The following MAP3K19 variants were observed in gnomAD, a reference collection of about 807,000 sequenced individuals.
The protein encoded by MAP3K19 is SPS1/STE20-related protein kinase YSK4.
Under a neutral mutation model 114.4 loss-of-function variants are expected in MAP3K19, and 91 were observed. The observed-to-expected ratio is 0.80, with a 90% CI of 0.67 to 0.95. The LOEUF (loss-of-function observed/expected upper bound fraction) is 0.95, where lower values mean the gene tolerates loss of function less well. Among genes scored for constraint, MAP3K19 ranks in the 40% least tolerant of loss-of-function variants. MAP3K19 has a pLI of 0.00. For missense variants in MAP3K19, 1,471 were observed against 1,573.2 expected, an observed-to-expected ratio of 0.94 and a Z score of 1.10; for synonymous variants, 518 against 530.5, an observed-to-expected ratio of 0.98 and a Z score of 0.32.
At chr2:135,022,749 C>T (rs968554824) in intron 4 of MAP3K19, among the ~76,000 whole-genome samples, 2 of 152,140 alleles carry the variant, frequency 1.3e-5, no homozygotes, top group Admixed American at 6.6e-5. Flanking sequence ...AAATTAATAG[C>T]GATCAACAGT....
Position 134,998,998 on chromosome 2 carries a change from C to T in MAP3K19, c.315-1G>A, listed in dbSNP as rs867471264. 6.2e-7 allele frequency: 1 copy of T among 1,607,066 alleles called. No individual in the cohort carries two copies. The highest frequency in any genetic ancestry group is 8.5e-7 in the Non-Finnish European group (1 of 1,177,610). On this transcript the variant is annotated splice_acceptor_variant, in intron 7 of 12. Coordinates refer to ENST00000392915, the MANE Select transcript of MAP3K19 (RefSeq NM_025052.5). LOFTEE classifies it high-confidence loss of function. ...TTCTTGAAGCGATGAGTTTATCAGA[C>T]TAAAGGGGGAGGGAAATGTTTGATT...
chr2:134,969,016 T>C (rs1015415918), intron 12 of MAP3K19, among the ~76,000 whole-genome samples: 2 of 152,054 alleles, frequency 1.3e-5, no homozygotes, highest in African/African-American at 4.8e-5. Context: ...AGGTGGAGGT[T>C]GTAGCGAACC....
chr2:135,001,938 T>C (rs924284449), intron 6 of MAP3K19, among the ~76,000 whole-genome samples: 1 of 152,226 alleles, frequency 6.6e-6, no homozygotes, highest in African/African-American at 2.4e-5. Flanking sequence ...CCGTCCTAAT[T>C]GTTGGTCCTA....
intron 4 of MAP3K19, chr2:135,023,527 C>T: frequency 1.9e-6 from 1 of 533,466 alleles, no homozygotes; most frequent in Non-Finnish European, 3.8e-6. Context: ...AATGTGCTCC[C>T]ATTTTGTTGG....
chr2:135,038,505 A>C (rs1474847540), intron 2 of MAP3K19, among the ~76,000 whole-genome samples: 1 of 151,974 alleles, frequency 6.6e-6, no homozygotes, highest in African/African-American at 2.4e-5. Flanking sequence ...TTGAAACATG[A>C]AGTGTAGCTA....
chr2:135,036,040 G>C (rs1688518912), intron 2 of MAP3K19, among the ~76,000 whole-genome samples: 1 of 151,988 alleles, frequency 6.6e-6, no homozygotes, highest in South Asian at 2.1e-4. Flanking sequence ...CTCCATGTTG[G>C]TCAGGCTGGT....
intron 11 of MAP3K19, chr2:134,983,276 TC>T: frequency 1.9e-6 from 1 of 537,690 alleles, no homozygotes; most frequent in Non-Finnish European, 3.8e-6. Flanking sequence ...TCTCCAAACT[TC>T]CAGTAACATA....
At chr2:135,008,612 G>A (rs1574008606) in intron 5 of MAP3K19, among the ~76,000 whole-genome samples, 1 of 152,144 alleles carries the variant, frequency 6.6e-6, no homozygotes, top group East Asian at 1.9e-4. Flanking sequence ...TGAAAAAGTT[G>A]TTTTTTTGTA....
At chr2:135,032,847 TAACAA>T (rs1380453290) in intron 2 of MAP3K19, among the ~76,000 whole-genome samples, 1 of 149,888 alleles carries the variant, frequency 6.7e-6, no homozygotes, top group African/African-American at 2.4e-5. Context: ...AGCATCTGTT[TAACAA>T]AGCACATCTT....
chr2:135,003,921 T>G (rs2105308531), intron 6 of MAP3K19, among the ~76,000 whole-genome samples: 1 of 152,350 alleles, frequency 6.6e-6, no homozygotes, highest in South Asian at 2.1e-4. Context: ...AACACTTTTA[T>G]TTCAGAATTT....
chr2:135,029,690 C>G (rs541744289), intron 3 of MAP3K19, among the ~76,000 whole-genome samples: 17 of 152,318 alleles, frequency 1.1e-4, no homozygotes, highest in African/African-American at 4.1e-4. Context: ...GTCACATGGT[C>G]TGACAGTCTC....
chr2:134,981,191 G>A lies in MAP3K19; in HGVS notation c.3550C>T (p.His1184Tyr). 1 of 1,614,064 alleles carries A rather than the reference G, an allele frequency of 6.2e-7. No homozygotes were observed. The change falls in exon 12 of 13, where the codon CAT becomes TAT. Residue 1184 changes from histidine (H) to tyrosine (Y), a missense_variant. Physicochemically the swap from His to Tyr is moderately conservative, Grantham distance 83 (BLOSUM62 2). Transcript: ENST00000392915. The stretch of plus-strand genomic sequence containing the variant: ...ACATTATTTCCTTTGATATCGCGAT[G>A]TACCACACAGTTCTCATGGAGATAA... The part of the protein sequence containing the change: ...VAYLHENCVV[H>Y]RDIKGNNVML...
intron 9 of MAP3K19, among the ~76,000 whole-genome samples, chr2:134,990,472 TG>T (rs1276618892): frequency 1.2e-4 from 18 of 147,848 alleles, no homozygotes; most frequent in Middle Eastern, 3.6e-3. Context: ...TTTTTTTTTT[TG>T]TTTGTTTGTT....
chr2:134,986,283 ATTC>A lies in MAP3K19; in HGVS notation c.2586_2588del (p.Lys862del), dbSNP rs1685096959. 6.2e-7 allele frequency: 1 copy of A among 1,614,058 alleles called. No homozygotes were observed. Among genetic ancestry groups the A allele is most frequent in the Non-Finnish European group, 8.5e-7 (1 of 1,180,004 alleles). ...TTTCTTGCTGTACATACTTGTTAGA[ATTC>A]TTCTCACTGGGCACTGCCCAGCTGT... On this transcript the variant is annotated inframe_deletion, in exon 10 of 13. Transcript: ENST00000392915.
chr2:135,043,074 C>A (rs1688677896), intron 1 of MAP3K19, among the ~76,000 whole-genome samples: 1 of 152,086 alleles, frequency 6.6e-6, no homozygotes, highest in Admixed American at 6.5e-5. Context: ...CAGAGCGAGA[C>A]TCCATCTCAA....
chr2:134,980,741 G>T (rs2105193500), intron 12 of MAP3K19, 80 bp downstream of exon 12: 1 of 1,288,350 alleles, frequency 7.8e-7, no homozygotes, highest in Non-Finnish European at 1.1e-6. Flanking sequence ...GCTTTTAATG[G>T]GCCATAAATT....
intron 12 of MAP3K19, among the ~76,000 whole-genome samples, chr2:134,973,005 G>A (rs921297230): frequency 6.6e-6 from 1 of 152,128 alleles, no homozygotes; most frequent in Admixed American, 6.5e-5. Context: ...TACTTGGTAT[G>A]ATTTTGATTT....
At chr2:134,967,006 G>A (rs1374782035) in intron 12 of MAP3K19, among the ~76,000 whole-genome samples, 1 of 152,198 alleles carries the variant, frequency 6.6e-6, no homozygotes, top group Admixed American at 6.5e-5. Context: ...TTGCTGAGAT[G>A]TTGTTAATCT....
chr2:134,998,154 T>G (rs1288708261), intron 8 of MAP3K19, among the ~76,000 whole-genome samples: 3 of 152,172 alleles, frequency 2.0e-5, no homozygotes, highest in African/African-American at 7.2e-5. Context: ...ACTTGCACAT[T>G]AACTTGGGGA....
Sources: gnomAD v4.1 joint callset for allele counts (sites outside exome capture counted in the v4.1 genomes callset) on GRCh38, gnomAD v4.1.1 for gene constraint, MANE v1.5 for transcripts, NCBI Gene and HGNC (gene_info 2026-07-23, HGNC 2026-07-21) for gene names.